The following APEX1 variants were observed in gnomAD, a reference collection of about 807,000 sequenced individuals.
APEX1 encodes apurinic/apyrimidinic endodeoxyribonuclease 1, also known as DNA repair nuclease/redox regulator APEX1.
Under a neutral mutation model 33.2 loss-of-function variants are expected in APEX1, and 32 were observed. The ratio of observed to expected loss-of-function variants is 0.96; its 90% CI spans 0.73 to 1.29. APEX1 has a LOEUF of 1.29. Among genes scored for constraint, APEX1 ranks in the 50% most tolerant of loss-of-function variants. The pLI is 0.00. For missense variants in APEX1, 442 were observed against 395.6 expected (o/e 1.12, Z -0.99); for synonymous variants, 175 against 156.6 (o/e 1.12, Z -0.88).
chr14:20,456,222 T>G, intron 3 of APEX1, 121 bp downstream of exon 3: 1 of 1,136,416 alleles, frequency 8.8e-7, no homozygotes, highest in Non-Finnish European at 1.3e-6. Context: ...TAGTTTTCTG[T>G]GGGGCTTCCC....
rs1881321560 is a variant in APEX1 at position 20,456,041 on chromosome 14, C to G, written c.186C>G (p.Leu62=). The stretch of plus-strand genomic sequence containing the variant: ...CACCCAGTGGCAAACCTGCCACACT[C>G]AAGATCTGCTCTTGGAATGTGGATG... ...KTSPSGKPAT[L]KICSWNVDGL... The change falls in exon 3 of 5, where the codon CTC becomes CTG. Residue 62 remains leucine, a synonymous_variant. Transcript: ENST00000216714. The G allele has an allele frequency of 1.2e-6, 2 of 1,614,086 alleles. No homozygotes were observed. Among genetic ancestry groups the G allele is most frequent in the South Asian group, 1.1e-5 (1 of 91,084 alleles).
chr14:20,457,435 T>C lies in APEX1; in HGVS notation c.884T>C (p.Leu295Ser). The change falls in exon 5 of 5, where the codon TTG becomes TCG. Residue 295 changes from leucine (L) to serine (S), a missense_variant. Leu to Ser is a moderately radical substitution (Grantham distance 145, BLOSUM62 -2). Coordinates refer to ENST00000216714, the MANE Select transcript of APEX1 (RefSeq NM_001641.4). ...TTGTCCCACTCTCTGTTACCTGCAT[T>C]GTGTGACAGCAAGATCCGTTCCAAG... ...FLLSHSLLPALCDSKIRSKAL... is the reference protein window; with the variant it reads ...FLLSHSLLPASCDSKIRSKAL... The C allele has an allele frequency of 1.2e-6, 2 of 1,614,224 alleles. No individual in the cohort carries two copies. Among genetic ancestry groups the C allele is most frequent in the Non-Finnish European group, 1.7e-6 (2 of 1,180,036 alleles).
chr14:20,457,049 G>A lies in APEX1; in HGVS notation c.498G>A (p.Val166=), dbSNP rs1227532359. The A allele has an allele frequency of 6.2e-7, 1 of 1,614,206 alleles. No individual in the cohort carries two copies. Among genetic ancestry groups the A allele is most frequent in the Non-Finnish European group, 8.5e-7 (1 of 1,180,034 alleles). ...RVIVAEFDSF[V]LVTAYVPNAG... is the part of the protein sequence containing the mutation. Reference sequence around the variant, plus strand: ...TTGTGGCTGAATTTGACTCGTTTGTGCTGGTAACAGCATATGTACCTAATG... The same window carrying A: ...TTGTGGCTGAATTTGACTCGTTTGTACTGGTAACAGCATATGTACCTAATG... The change falls in exon 5 of 5, where the codon GTG becomes GTA. Residue 166 remains valine (V), a synonymous_variant. Transcript: ENST00000216714.
chr14:20,457,333 C>T lies in APEX1; in HGVS notation c.782C>T (p.Pro261Leu). Residue 261 changes from proline (P) to leucine (L), a missense_variant, in exon 5 of 5, where the codon CCC becomes CTC. Pro to Leu is a moderately conservative substitution (Grantham distance 98). Coordinates refer to ENST00000216714, the MANE Select transcript of APEX1 (RefSeq NM_001641.4). ...DSFRHLYPNT[P>L]YAYTFWTYMM... ...TTTAGGCACCTCTACCCCAACACAC[C>T]CTATGCCTACACCTTTTGGACTTAT... 2 of 1,614,228 alleles carry T rather than the reference C, an allele frequency of 1.2e-6. No homozygotes were observed. The highest frequency in any genetic ancestry group is 2.7e-5 in the African/African-American group (2 of 75,058).
Position 20,456,986 on chromosome 14 carries a change from T to A in APEX1, c.440-5T>A, listed in dbSNP as rs1253219974. On this transcript the variant is annotated splice_region_variant and splice_polypyrimidine_tract_variant and intron_variant, in intron 4 of 4. Coordinates refer to ENST00000216714, the MANE Select transcript of APEX1 (RefSeq NM_001641.4). ...TTTTATGCTAATTCTGTTTCATTTC[T>A]ATAGGCGATGAGGAGCATGATCAGG... is the stretch of plus-strand genomic sequence containing the variant. 6.2e-7 allele frequency: 1 copy of A among 1,613,400 alleles called. No homozygotes were observed. Among genetic ancestry groups the A allele is most frequent in the Admixed American group, 1.7e-5 (1 of 59,926 alleles).
chr14:20,455,767 A>C (rs1234481340), intron 2 of APEX1, 64 bp downstream of exon 2: 1 of 1,613,976 alleles, frequency 6.2e-7, no homozygotes, highest in Non-Finnish European at 8.5e-7. Flanking sequence ...CATTCCCTTG[A>C]TGTACGGTAA....
rs1643999504 is a variant in APEX1, at chr14:20,455,623, G to C, written c.-23G>C. 1.9e-6 allele frequency: 3 copies of C among 1,612,754 alleles called. No homozygotes were observed. The African/African-American group carries it at 4.0e-5, about 22-fold the overall frequency. ...CTTCGGTGGGTGACGCGGTACAGCT[G>C]CCCAAGGGCGTTCGTAACGGGAATG... On this transcript the variant is annotated 5_prime_UTR_variant, in exon 2 of 5. Coordinates refer to ENST00000216714, the MANE Select transcript of APEX1 (RefSeq NM_001641.4).
At position 20,457,130 on chromosome 14, in the gene APEX1, C is replaced by G; in HGVS notation, c.579C>G (p.Arg193=). The part of the protein sequence containing the change: ...EYRQRWDEAF[R]KFLKGLASRK... ...GGCAGCGCTGGGATGAAGCCTTTCG[C>G]AAGTTCCTGAAGGGCCTGGCTTCCC... The change falls in exon 5 of 5, where the codon CGC becomes CGG. Residue 193 remains arginine, a synonymous_variant. Transcript: ENST00000216714. 1 of 1,614,176 alleles carries G rather than the reference C, an allele frequency of 6.2e-7. No individual in the cohort carries two copies. The highest frequency in any genetic ancestry group is 1.1e-5 in the South Asian group (1 of 91,084).
rs540658996 is a variant in APEX1 at position 20,457,659 on chromosome 14, C to T, written c.*151C>T. The T allele has an allele frequency of 2.2e-5, 25 of 1,115,644 alleles. No individual in the cohort carries two copies. The African/African-American group carries it at 3.6e-4, about 16-fold the overall frequency. The allele number at this position is 1,115,644 out of a possible 1,614,324, so 69.1% of individuals were successfully genotyped here. ...GCTCCTGTGATAGAGTTCTTTTAAG[C>T]CCAAGATTTTTTATTTGAGGGTTTT... is the stretch of plus-strand genomic sequence containing the variant. On this transcript the variant is annotated 3_prime_UTR_variant, in exon 5 of 5. Coordinates refer to ENST00000216714, the MANE Select transcript of APEX1 (RefSeq NM_001641.4).
rs773464873 is a variant in APEX1 at position 20,457,554 on chromosome 14, CT to C, written c.*47del. On this transcript the variant is annotated 3_prime_UTR_variant, in exon 5 of 5. Coordinates refer to ENST00000216714, the MANE Select transcript of APEX1 (RefSeq NM_001641.4). ...GAGCCTGGGAAATAAGCCCCCTCAA[CT>C]ACCATTCCTTCTTTAAACACTCTTC... The C allele has an allele frequency of 2.5e-6, 4 of 1,593,384 alleles. No homozygotes were observed. The Admixed American group carries it at 6.7e-5, about 27-fold the overall frequency.
Position 20,457,508 on chromosome 14 carries a change from AC to A in APEX1, c.*1del. ...CTATCACCCTATACCTAGCACTGTG[AC>A]ACCACCCCTAAATCACTTTGAGCCT... On this transcript the variant is annotated 3_prime_UTR_variant, in exon 5 of 5. Transcript: ENST00000216714. 1 of 1,613,730 alleles carries A rather than the reference AC, an allele frequency of 6.2e-7. No homozygotes were observed. Among genetic ancestry groups the A allele is most frequent in the Non-Finnish European group, 8.5e-7 (1 of 1,179,996 alleles).
chr14:20,456,561 C>A, intron 3 of APEX1, 107 bp from the exon 4 acceptor site: 1 of 1,092,474 alleles, frequency 9.2e-7, no homozygotes, highest in Non-Finnish European at 1.4e-6. Flanking sequence ...ACTCCTTAGG[C>A]CAAGAGACTG....
In APEX1 at chr14:20,457,453, G is replaced by C. The variant is rs770711224; in HGVS notation, c.902G>C (p.Arg301Pro). 2 of 1,614,146 alleles carry C rather than the reference G, an allele frequency of 1.2e-6. No individual in the cohort carries two copies. Among genetic ancestry groups the C allele is most frequent in the Non-Finnish European group, 8.5e-7 (1 of 1,180,030 alleles). ...CCTGCATTGTGTGACAGCAAGATCC[G>C]TTCCAAGGCCCTCGGCAGTGATCAC... ...LLPALCDSKI[R>P]SKALGSDHCP... is the part of the protein sequence containing the mutation. Residue 301 changes from arginine (R) to proline (P), a missense_variant, in exon 5 of 5, where the codon CGT becomes CCT. By Grantham distance (103) the Arg-to-Pro change is moderately radical. Coordinates refer to ENST00000216714, the MANE Select transcript of APEX1 (RefSeq NM_001641.4).
At position 20,456,780 on chromosome 14, in the gene APEX1, C is replaced by T. The variant is rs553763093; in HGVS notation, c.359C>T (p.Ser120Leu). 5.0e-6 allele frequency: 8 copies of T among 1,614,200 alleles called. No individual in the cohort carries two copies. The South Asian group carries it at 7.7e-5, about 16-fold the overall frequency. ...ELPGLSHQYWSAPSDKEGYSG... is the reference protein window; with the variant it reads ...ELPGLSHQYWLAPSDKEGYSG... ...CCTGGACTCTCTCATCAATACTGGT[C>T]AGCTCCTTCGGACAAGGAAGGGTAC... The change falls in exon 4 of 5, where the codon TCA becomes TTA. Residue 120 changes from serine to leucine, a missense_variant. Physicochemically the swap from Ser to Leu is moderately radical, Grantham distance 145. Coordinates refer to ENST00000216714, the MANE Select transcript of APEX1 (RefSeq NM_001641.4).
At chr14:20,455,840 T>C (rs1025259484) in intron 2 of APEX1, 74 bp from the exon 3 acceptor site, 1 of 1,613,766 alleles carries the variant, frequency 6.2e-7, no homozygotes, top group South Asian at 1.1e-5. Context: ...AGGCTTTCGT[T>C]GGGTCTATAG....
In APEX1 at chr14:20,457,281, C is replaced by A. The variant is rs1452677418; in HGVS notation, c.730C>A (p.Leu244Met). The A allele has an allele frequency of 1.9e-6, 3 of 1,614,134 alleles. No individual in the cohort carries two copies. The African/African-American group carries it at 4.0e-5, about 22-fold the overall frequency. ...PQERQGFGEL[L>M]QAVPLADSFR... is the part of the protein sequence containing the mutation. The stretch of plus-strand genomic sequence containing the variant: ...AGAGCGCCAAGGCTTCGGGGAATTA[C>A]TGCAGGCTGTGCCACTGGCTGACAG... Residue 244 changes from leucine to methionine, a missense_variant, in exon 5 of 5, where the codon CTG (leucine) becomes ATG (methionine). Coordinates refer to ENST00000216714, the MANE Select transcript of APEX1 (RefSeq NM_001641.4).
rs1272594567 is a variant in APEX1, at chr14:20,457,666, T to C, written c.*158T>C. On this transcript the variant is annotated 3_prime_UTR_variant, in exon 5 of 5. Coordinates refer to ENST00000216714, the MANE Select transcript of APEX1 (RefSeq NM_001641.4). Reference sequence around the variant, plus strand: ...TGATAGAGTTCTTTTAAGCCCAAGATTTTTTATTTGAGGGTTTTTTGTTTT... The same window carrying C: ...TGATAGAGTTCTTTTAAGCCCAAGACTTTTTATTTGAGGGTTTTTTGTTTT... 9.6e-6 allele frequency: 10 copies of C among 1,046,974 alleles called. 1 individual carries two copies. The highest frequency in any genetic ancestry group is 1.4e-5 in the South Asian group (1 of 69,824). 64.9% of individuals were successfully genotyped at this position (1,046,974 alleles called of 1,614,324 possible).
Position 20,455,256 on chromosome 14 carries a change from G to C in APEX1, c.-207G>C. Reference sequence around the variant, plus strand: ...TTGTGCTCGGGTTAGGAGGAGCTAGGCTGCCATCGGGCCGGTGCAGATACG... The same window carrying C: ...TTGTGCTCGGGTTAGGAGGAGCTAGCCTGCCATCGGGCCGGTGCAGATACG... On this transcript the variant is annotated 5_prime_UTR_variant, in exon 1 of 5. Coordinates refer to ENST00000216714, the MANE Select transcript of APEX1 (RefSeq NM_001641.4). The C allele has an allele frequency of 2.6e-6, 1 of 386,146 alleles. No homozygotes were observed. The highest frequency in any genetic ancestry group is 2.4e-5 in the South Asian group (1 of 41,058). The allele number at this position is 386,146 out of a possible 1,614,324, so 23.9% of individuals were successfully genotyped here. A position where few individuals can be genotyped will look rare whatever the true frequency, so the allele number is the denominator to read the frequency against.
chr14:20,456,581 T>C (rs1881371103), intron 3 of APEX1, 87 bp from the exon 4 acceptor site: 1 of 1,284,950 alleles, frequency 7.8e-7, no homozygotes, highest in Non-Finnish European at 1.1e-6. Flanking sequence ...GTTTAACCCG[T>C]GCGTATCTAT....
Sources: allele counts gnomAD v4.1 joint callset, GRCh38; gene constraint gnomAD v4.1.1; transcripts MANE v1.5; gene names NCBI Gene and HGNC (gene_info 2026-07-23, HGNC 2026-07-21).